ADAMTS7: variants seen among roughly 807,000 people sequenced by gnomAD.
ADAMTS7 encodes the protein ADAM metallopeptidase with thrombospondin type 1 motif 7, also known as A disintegrin and metalloproteinase with thrombospondin motifs 7.
ADAMTS7 carries 89 observed loss-of-function variants against 172.6 expected under a neutral mutation model. The ratio of observed to expected loss-of-function variants is 0.52; its 90% confidence interval spans 0.43 to 0.61. The LOEUF (loss-of-function observed/expected upper bound fraction) is 0.61, where lower values mean the gene tolerates loss of function less well. ADAMTS7 is among the 20% of genes least tolerant of loss of function. ADAMTS7 has a pLI of 0.00. For synonymous variants in ADAMTS7, 885 were observed against 978.4 expected (o/e 0.90, Z 1.78); for missense variants, 1,973 against 2,355.6 (o/e 0.84, Z 3.36).
intron 10 of ADAMTS7, 29 bp from the exon 11 acceptor site, chr15:78,776,362 C>G: frequency 6.2e-7 from 1 of 1,600,912 alleles, no homozygotes; most frequent in Non-Finnish European, 8.5e-7. Context: ...GTAGAGCCAC[C>G]CCACCCCCAA....
At chr15:78,806,091 A>AAAACAC (rs1555433542) in intron 1 of ADAMTS7, among the ~76,000 whole-genome samples, 1 of 27,414 alleles carries the variant, frequency 3.6e-5, no homozygotes, top group African/African-American at 1.5e-4. Context: ...CCCCCCCAAA[A>AAAACAC]ACACACACAC....
Position 78,771,389 on chromosome 15 carries a change from G to A in ADAMTS7, c.2377-86C>T. ...AGGAGCTGACCCCAGCCACCTCTGT[G>A]AACTGCAGCTACAAGATTGGGCCAT... On this transcript the variant is annotated intron_variant, in intron 15 of 23. Coordinates refer to ENST00000388820, the MANE Select transcript of ADAMTS7 (RefSeq NM_014272.5). The surrounding 1 kb of genome is among the most constrained non-coding windows in gnomAD (Gnocchi z 4.9). 6.3e-7 allele frequency: 1 copy of A among 1,596,132 alleles called. No individual in the cohort carries two copies. Among genetic ancestry groups the A allele is most frequent in the South Asian group, 1.1e-5 (1 of 89,106 alleles).
intron 9 of ADAMTS7, 88 bp downstream of exon 9, chr15:78,777,356 A>C (rs2055362562): frequency 3.3e-6 from 5 of 1,496,322 alleles, no homozygotes. Context: ...GGTTGCTCCC[A>C]GGCTGGCATC....
chr15:78,766,355 T>C lies in ADAMTS7; in HGVS notation c.3556A>G (p.Thr1186Ala). 1 of 1,610,752 alleles carries C rather than the reference T, an allele frequency of 6.2e-7. No homozygotes were observed. The highest frequency in any genetic ancestry group is 8.5e-7 in the Non-Finnish European group (1 of 1,179,840). Residue 1186 changes from threonine (T) to alanine (A), a missense_variant, in exon 19 of 24, where the codon ACA (threonine) becomes GCA (alanine). Transcript: ENST00000388820. ...WPRVSTDGLQTPATPESQNDF... is the reference protein window; with the variant it reads ...WPRVSTDGLQAPATPESQNDF... ...TTTTGGCTCTCAGGGGTGGCAGGTG[T>C]CTGCAGGCCATCAGTGGAAACCCTG...
At chr15:78,767,118 G>A in intron 18 of ADAMTS7, 67 bp from the exon 19 acceptor site, 3 of 1,473,824 alleles carry the variant, frequency 2.0e-6, no homozygotes, top group Non-Finnish European at 2.7e-6. Context: ...CTGGGGCAAG[G>A]CTGGGTAACC....
At chr15:78,782,693 C>A (rs1976008) in intron 8 of ADAMTS7, among the ~76,000 whole-genome samples, 3 of 149,740 alleles carry the variant, frequency 2.0e-5, no homozygotes, top group East Asian at 1.9e-4. Context: ...TGAGAGCCAA[C>A]TGCCTGCAGG....
At position 78,764,715 on chromosome 15, in the gene ADAMTS7, G is replaced by A. The variant is rs187670750; in HGVS notation, c.4267-8C>T. 326 of 1,495,148 alleles carry A rather than the reference G, an allele frequency of 2.2e-4. 1 individual carries two copies. The African/African-American group carries it at 4.0e-3, about 19-fold the overall frequency. 92.6% of individuals were successfully genotyped at this position (1,495,148 alleles called of 1,614,324 possible). ...GCCACAGGTGGTAGAGCACTGCGGG[G>A]CAGAGACCCGTGAAAGCCAGGCAGA... On this transcript the variant is annotated splice_polypyrimidine_tract_variant and splice_region_variant and intron_variant, in intron 19 of 23. Coordinates refer to ENST00000388820, the MANE Select transcript of ADAMTS7 (RefSeq NM_014272.5).
At chr15:78,776,669 G>A (rs543292886) in intron 10 of ADAMTS7, 80 bp downstream of exon 10, 47 of 1,374,402 alleles carry the variant, frequency 3.4e-5, no homozygotes, top group East Asian at 1.5e-4. Context: ...ACTGTGAGCC[G>A]GGGCTGACCC....
intron 1 of ADAMTS7, among the ~76,000 whole-genome samples, chr15:78,807,388 G>A (rs1186213329): frequency 6.6e-6 from 1 of 152,224 alleles, no homozygotes; most frequent in Non-Finnish European, 1.5e-5. Context: ...ACCTGCTGTA[G>A]ATCCTGGGCA....
chr15:78,791,997 C>G (rs1420019512), intron 4 of ADAMTS7, among the ~76,000 whole-genome samples: 1 of 77,182 alleles, frequency 1.3e-5, no homozygotes, highest in Non-Finnish European at 4.3e-5. Flanking sequence ...TGACTGGGGA[C>G]AGCTGGCAGG....
chr15:78,762,689 G>A (rs1333620805), intron 22 of ADAMTS7, 124 bp from the exon 23 acceptor site: 12 of 761,272 alleles, frequency 1.6e-5, no homozygotes, highest in African/African-American at 7.2e-5. Context: ...GCTCCCAGCC[G>A]CCCCCTCAGT....
intron 23 of ADAMTS7, among the ~76,000 whole-genome samples, chr15:78,760,758 C>G (rs1314131432): frequency 6.6e-6 from 1 of 152,156 alleles, no homozygotes; most frequent in Non-Finnish European, 1.5e-5. Flanking sequence ...ACCTTCCCAG[C>G]CCCCCTCCAC....
At chr15:78,796,504 G>C in intron 4 of ADAMTS7, 86 bp downstream of exon 4, 1 of 1,474,684 alleles carries the variant, frequency 6.8e-7, no homozygotes, top group Non-Finnish European at 9.2e-7. Flanking sequence ...GGTCCAGCCT[G>C]ACAGCCTTCC....
chr15:78,794,775 T>A (rs145353739), intron 4 of ADAMTS7, among the ~76,000 whole-genome samples: 1 of 152,212 alleles, frequency 6.6e-6, no homozygotes, highest in Non-Finnish European at 1.5e-5. Flanking sequence ...AGGAGTGCAG[T>A]GGCACGATCT....
chr15:78,782,677 A>G (rs530954143), intron 8 of ADAMTS7, among the ~76,000 whole-genome samples: 12 of 152,254 alleles, frequency 7.9e-5, no homozygotes, highest in South Asian at 2.1e-4. Flanking sequence ...GTAGAGTGAT[A>G]AAAGCTGAGA....
At chr15:78,780,219 C>A (rs2055410489) in intron 8 of ADAMTS7, among the ~76,000 whole-genome samples, 1 of 150,222 alleles carries the variant, frequency 6.7e-6, no homozygotes, top group South Asian at 2.2e-4. Flanking sequence ...ACCCGTCAGC[C>A]CTTCCCCTCC....
At chr15:78,798,893 T>C (rs1465442109) in intron 2 of ADAMTS7, among the ~76,000 whole-genome samples, 1 of 152,174 alleles carries the variant, frequency 6.6e-6, no homozygotes, top group Non-Finnish European at 1.5e-5. Flanking sequence ...GAGGGAGGGC[T>C]GGAGAGTGCA....
At chr15:78,775,897 C>T (rs2055335877) in intron 11 of ADAMTS7, among the ~76,000 whole-genome samples, 1 of 152,212 alleles carries the variant, frequency 6.6e-6, no homozygotes, top group Non-Finnish European at 1.5e-5. Context: ...CCCCACTGCC[C>T]TCTCCTGCCT....
intron 3 of ADAMTS7, 43 bp from the exon 4 acceptor site, chr15:78,796,829 C>T (rs1394336222): frequency 6.5e-7 from 1 of 1,544,984 alleles, no homozygotes; most frequent in Non-Finnish European, 8.7e-7. Flanking sequence ...AGTGGACAGG[C>T]CCAGGGCACA....
Sources: allele counts gnomAD v4.1 joint callset (sites outside exome capture counted in the v4.1 genomes callset), GRCh38; gene constraint gnomAD v4.1.1; non-coding constraint Gnocchi (gnomAD v3.1); transcripts MANE v1.5; gene names NCBI Gene and HGNC (gene_info 2026-07-23, HGNC 2026-07-21).